The following SRGAP3 variants were observed in gnomAD, a reference collection of about 807,000 sequenced individuals.
SRGAP3 encodes SLIT-ROBO Rho GTPase activating protein 3.
A neutral mutation model predicts 121.1 loss-of-function variants in SRGAP3; 39 were observed. That is an observed-to-expected ratio of 0.32 (90% confidence interval 0.25 to 0.42). SRGAP3 has a LOEUF of 0.42. SRGAP3 is among the 10% of genes least tolerant of loss of function. The pLI is 1.00. For synonymous variants in SRGAP3, 601 were observed against 570.0 expected, an observed-to-expected ratio of 1.05 and a Z score of -0.77; for missense variants, 1,213 against 1,470.6, an observed-to-expected ratio of 0.82 and a Z score of 2.86.
chr3:9,349,195 G>A, intron 1 of SRGAP3: 1 of 696,722 alleles, frequency 1.4e-6, no homozygotes, highest in South Asian at 1.4e-5. Context: ...AGAAGTAAAG[G>A]CCAGCGGGCA....
intron 2 of SRGAP3, among the ~76,000 whole-genome samples, chr3:9,112,517 A>T (rs533212127): frequency 6.6e-6 from 1 of 152,338 alleles, no homozygotes; most frequent in East Asian, 1.9e-4. Context: ...GTCTCAGATA[A>T]CAATCAGATA....
intron 1 of SRGAP3, among the ~76,000 whole-genome samples, chr3:9,170,093 CCACAGGAAG>C (rs935066562): frequency 5.9e-5 from 9 of 152,134 alleles, no homozygotes; most frequent in Admixed American, 5.2e-4. Flanking sequence ...TGACACCGCC[CCACAGGAAG>C]CACAGATGAA....
intron 3 of SRGAP3, among the ~76,000 whole-genome samples, chr3:9,093,191 T>C (rs1261231701): frequency 6.6e-6 from 1 of 152,260 alleles, no homozygotes; most frequent in Admixed American, 6.5e-5. Context: ...CAAAACATTA[T>C]TGATCACTTA....
intron 4 of SRGAP3, among the ~76,000 whole-genome samples, chr3:9,077,550 AC>A (rs1176430202): frequency 6.6e-6 from 1 of 152,076 alleles, no homozygotes; most frequent in East Asian, 1.9e-4. Context: ...GAGAGCTAGG[AC>A]CCTTCTTCCT....
At chr3:9,116,357 C>A (rs1208920400) in intron 2 of SRGAP3, among the ~76,000 whole-genome samples, 4 of 152,182 alleles carry the variant, frequency 2.6e-5, no homozygotes, top group African/African-American at 7.2e-5. Flanking sequence ...GTTAATTCAG[C>A]CATTCACTGA....
intron 1 of SRGAP3, among the ~76,000 whole-genome samples, chr3:9,245,927 A>C (rs1454154248): frequency 1.3e-5 from 2 of 152,138 alleles, no homozygotes; most frequent in African/African-American, 2.4e-5. Context: ...CTGTCACAAA[A>C]GAAAAAAGAA....
intron 3 of SRGAP3, among the ~76,000 whole-genome samples, chr3:9,266,564 TGAA>T (rs1475549767): frequency 6.6e-6 from 1 of 152,080 alleles, no homozygotes; most frequent in Non-Finnish European, 1.5e-5. Flanking sequence ...TACAAACAAA[TGAA>T]ATCCCTTCTG....
intron 3 of SRGAP3, among the ~76,000 whole-genome samples, chr3:9,311,332 C>T (rs1955240750): frequency 6.6e-6 from 1 of 152,152 alleles, no homozygotes; most frequent in Admixed American, 6.5e-5. Flanking sequence ...ACGTAAAGTG[C>T]AAGGTAACGT....
intron 1 of SRGAP3, among the ~76,000 whole-genome samples, chr3:9,164,044 C>T (rs1021733599): frequency 2.4e-5 from 3 of 126,676 alleles, no homozygotes; most frequent in African/African-American, 6.2e-5. Flanking sequence ...GTTGCCCAGG[C>T]TGGAGTGCAA....
At chr3:9,341,258 G>C (rs1220388371) in intron 1 of SRGAP3, among the ~76,000 whole-genome samples, 1 of 150,682 alleles carries the variant, frequency 6.6e-6, no homozygotes. Flanking sequence ...GTGGGCTAGA[G>C]AGAGCAGCAC....
chr3:8,985,320 G>A lies in SRGAP3; in HGVS notation c.*199C>T. The A allele has an allele frequency of 2.5e-6, 3 of 1,206,386 alleles. No homozygotes were observed. Among genetic ancestry groups the A allele is most frequent in the Non-Finnish European group, 3.3e-6 (3 of 904,546 alleles). The allele number at this position is 1,206,386 out of a possible 1,614,324, so 74.7% of individuals were successfully genotyped here. On this transcript the variant is annotated 3_prime_UTR_variant, in exon 22 of 22. Coordinates refer to ENST00000383836, the MANE Select transcript of SRGAP3 (RefSeq NM_014850.4). The surrounding 1 kb of genome is among the most constrained non-coding windows in gnomAD (Gnocchi z 5.1). ...CACTCCTCTGGTCGTCTGTTGACAC[G>A]CGAGAGGTCCGTGGGATTCCCATGG...
chr3:9,234,025 G>A (rs1559231441), intron 1 of SRGAP3, among the ~76,000 whole-genome samples: 1 of 152,140 alleles, frequency 6.6e-6, no homozygotes, highest in African/African-American at 2.4e-5. Flanking sequence ...TTTCAATGGT[G>A]ATATTATGCC....
intron 1 of SRGAP3, among the ~76,000 whole-genome samples, chr3:9,173,150 G>A (rs1028902623): frequency 3.3e-5 from 5 of 152,194 alleles, no homozygotes; most frequent in Admixed American, 1.3e-4. Flanking sequence ...TGAGCTGGGC[G>A]CTTCCCACAC....
At chr3:9,142,004 T>A (rs911535405) in intron 1 of SRGAP3, among the ~76,000 whole-genome samples, 8 of 152,352 alleles carry the variant, frequency 5.3e-5, no homozygotes, top group Admixed American at 3.9e-4. Context: ...AAGCAGATAA[T>A]GTTGGAATAT....
At chr3:9,279,806 C>A (rs947263219) in intron 3 of SRGAP3, among the ~76,000 whole-genome samples, 112 of 152,256 alleles carry the variant, frequency 7.4e-4, no homozygotes, top group African/African-American at 2.6e-3. Context: ...AGCCACTGCA[C>A]CCGACCACAA....
intron 10 of SRGAP3, among the ~76,000 whole-genome samples, chr3:9,042,935 T>C (rs1019742626): frequency 4.6e-5 from 7 of 152,098 alleles, no homozygotes; most frequent in African/African-American, 1.7e-4. Flanking sequence ...CATTTGCAAA[T>C]GTTGTCCCCT....
intron 7 of SRGAP3, among the ~76,000 whole-genome samples, chr3:9,057,744 A>G (rs1428498643): frequency 6.6e-6 from 1 of 152,242 alleles, no homozygotes; most frequent in African/African-American, 2.4e-5. Context: ...GGCCAGTGAC[A>G]AGGGCCTTCT....
chr3:9,277,764 G>A (rs1192183645), intron 3 of SRGAP3, among the ~76,000 whole-genome samples: 1 of 152,084 alleles, frequency 6.6e-6, no homozygotes, highest in Non-Finnish European at 1.5e-5. Context: ...CTGGGTGACA[G>A]AGTAAGACTC....
intron 1 of SRGAP3, among the ~76,000 whole-genome samples, chr3:9,129,485 A>G (rs941447945): frequency 7.9e-5 from 12 of 151,710 alleles, no homozygotes; most frequent in Non-Finnish European, 1.6e-4. Context: ...AAAAAAAAAA[A>G]AAGTTGAAAA....
Sources: gnomAD v4.1 joint callset for allele counts (sites outside exome capture counted in the v4.1 genomes callset) on GRCh38, gnomAD v4.1.1 for gene constraint, Gnocchi (gnomAD v3.1) non-coding constraint, MANE v1.5 for transcripts, NCBI Gene and HGNC (gene_info 2026-07-23, HGNC 2026-07-21) for gene names.